URI1: variants seen among roughly 807,000 people sequenced by gnomAD.
URI1 encodes unconventional prefoldin RPB5 interactor 1.
URI1 carries 39 observed loss-of-function variants against 60.2 expected under a neutral mutation model. The observed-to-expected ratio is 0.65, with a 90% CI of 0.50 to 0.85. The LOEUF (loss-of-function observed/expected upper bound fraction) is 0.85, where lower values mean the gene tolerates loss of function less well. URI1 is among the 40% of genes least tolerant of loss of function. The pLI is 0.00. For synonymous variants in URI1, 251 were observed against 236.8 expected, an observed-to-expected ratio of 1.06 and a Z score of -0.55; for missense variants, 691 against 665.9, an observed-to-expected ratio of 1.04 and a Z score of -0.42.
At chr19:29,947,603 G>A (rs1275726320) in intron 1 of URI1, among the ~76,000 whole-genome samples, 1 of 152,126 alleles carries the variant, frequency 6.6e-6, no homozygotes, top group Non-Finnish European at 1.5e-5. Context: ...TGGCTACTTG[G>A]ATTTTTGTGT....
At chr19:29,941,631 A>T (rs1258442380), upstream of URI1, among the ~76,000 whole-genome samples, 1 of 152,096 alleles carries the variant, frequency 6.6e-6, no homozygotes. Flanking sequence ...TTAAAAAAAA[A>T]AAAAAAAAAA....
intron 2 of URI1, among the ~76,000 whole-genome samples, chr19:29,973,774 TTAA>T (rs1442346315): frequency 6.6e-6 from 1 of 152,168 alleles, no homozygotes; most frequent in Non-Finnish European, 1.5e-5. Context: ...ATTTGTTTAG[TTAA>T]TAACAGATAA....
chr19:29,935,044 T>A (rs1404612441), intron 1 of URI1, among the ~76,000 whole-genome samples: 1 of 152,250 alleles, frequency 6.6e-6, no homozygotes, highest in African/African-American at 2.4e-5. Context: ...TTCTGCCATT[T>A]ATTTAATAGC....
At chr19:30,005,982 C>G (rs1168273295) in intron 6 of URI1, among the ~76,000 whole-genome samples, 6 of 152,040 alleles carry the variant, frequency 3.9e-5, no homozygotes, top group African/African-American at 1.2e-4. Flanking sequence ...CTCTAAAACT[C>G]AGAAGATGTA....
chr19:29,952,221 A>C (rs897321091), intron 1 of URI1, among the ~76,000 whole-genome samples: 1 of 152,232 alleles, frequency 6.6e-6, no homozygotes, highest in African/African-American at 2.4e-5. Context: ...GTTTAATCAG[A>C]ATTTAAACAC....
chr19:30,008,907 C>T, intron 7 of URI1, 98 bp from the exon 8 acceptor site: 1 of 938,200 alleles, frequency 1.1e-6, no homozygotes, highest in East Asian at 2.8e-5. Context: ...ATACTTTATT[C>T]AAGATCTTAG....
rs149206403 is a variant in URI1 at position 29,986,394 on chromosome 19, G to T, written c.344G>T (p.Gly115Val). 3.1e-6 allele frequency: 5 copies of T among 1,608,704 alleles called. No individual in the cohort carries two copies. Among genetic ancestry groups the T allele is most frequent in the Non-Finnish European group, 3.4e-6 (4 of 1,179,008 alleles). The part of the protein sequence containing the change: ...FAKCSAKQAV[G>V]LVEHRKEHVR... ...AAGTGCTCAGCAAAGCAGGCTGTAG[G>T]TTTAGTTGAGCACCGGAAAGAACGT... Residue 115 changes from glycine to valine, a missense_variant, in exon 4 of 11, where the codon GGT (glycine) becomes GTT (valine). Gly to Val is a moderately radical substitution (Grantham distance 109). Transcript: ENST00000392271.
intron 4 of URI1, among the ~76,000 whole-genome samples, chr19:29,998,150 A>G (rs191843667): frequency 6.6e-6 from 1 of 152,262 alleles, no homozygotes; most frequent in East Asian, 1.9e-4. Context: ...TTTTCCTTCT[A>G]TTAATGATTT....
intron 1 of URI1, among the ~76,000 whole-genome samples, chr19:29,964,264 G>A (rs1220089196): frequency 6.6e-6 from 1 of 152,098 alleles, no homozygotes; most frequent in Non-Finnish European, 1.5e-5. Context: ...TGCCTTTAAA[G>A]AGATAATTTT....
At chr19:29,989,504 A>AC (rs1452099333) in intron 4 of URI1, among the ~76,000 whole-genome samples, 1 of 150,164 alleles carries the variant, frequency 6.7e-6, no homozygotes, top group African/African-American at 2.5e-5. Flanking sequence ...GTTCATCGCA[A>AC]CCTCCGCCTC....
intron 1 of URI1, among the ~76,000 whole-genome samples, chr19:29,968,913 A>G (rs1049588341): frequency 1.3e-5 from 2 of 152,050 alleles, no homozygotes; most frequent in African/African-American, 4.8e-5. Flanking sequence ...GCTGTGAAAT[A>G]GAAGACAACT....
chr19:29,983,484 A>G (rs1258344879), intron 2 of URI1, among the ~76,000 whole-genome samples: 1 of 152,136 alleles, frequency 6.6e-6, no homozygotes, highest in African/African-American at 2.4e-5. Context: ...GATGTTTGTC[A>G]TTTATATTAT....
At chr19:29,980,871 G>A (rs2055587663) in intron 2 of URI1, among the ~76,000 whole-genome samples, 1 of 141,878 alleles carries the variant, frequency 7.0e-6, no homozygotes, top group Non-Finnish European at 1.5e-5. Context: ...GCAGTGAGCC[G>A]AGATCACGCC....
rs981794888 is a variant in URI1 at position 29,947,571 on chromosome 19, G to A, written c.117+4907G>A. On this transcript the variant is annotated intron_variant, in intron 1 of 10. Coordinates refer to ENST00000392271, the MANE Select transcript of URI1 (RefSeq NM_003796.3). ...CAATCTAGTGATGAGTAATGAGGTT[G>A]ATGACCTTTTCAGATGTTTATTGGC... Among the ~76,000 whole-genome samples the A allele has an allele frequency of 4.6e-5, 7 of 152,320 alleles. 1 individual carries two copies. The South Asian group carries it at 1.4e-3, about 32-fold the overall frequency.
At chr19:29,993,385 T>C (rs2145399345) in intron 4 of URI1, among the ~76,000 whole-genome samples, 1 of 152,328 alleles carries the variant, frequency 6.6e-6, no homozygotes, top group East Asian at 1.9e-4. Context: ...AAAATGCACA[T>C]AGGCACGTTA....
Position 30,015,123 on chromosome 19 carries a change from T to C in URI1, c.*54T>C. 6.3e-7 allele frequency: 1 copy of C among 1,576,190 alleles called. No homozygotes were observed. The highest frequency in any genetic ancestry group is 1.2e-5 in the South Asian group (1 of 84,238). ...CCTAAAACCTAGTTGTTCATTTGTT[T>C]AGAGTATCTATAGCAAAATAGGTTA... On this transcript the variant is annotated 3_prime_UTR_variant, in exon 11 of 11. Transcript: ENST00000392271.
chr19:30,008,956 TA>T, intron 7 of URI1, 48 bp from the exon 8 acceptor site: 2 of 1,388,374 alleles, frequency 1.4e-6, no homozygotes, highest in Non-Finnish European at 9.7e-7. Context: ...TTAAATAATG[TA>T]AAATTCTAGT....
In URI1 at chr19:30,015,047, C is replaced by T. The variant is rs1406147554; in HGVS notation, c.1586C>T (p.Ala529Val). 3 of 1,613,210 alleles carry T rather than the reference C, an allele frequency of 1.9e-6. No individual in the cohort carries two copies. The highest frequency in any genetic ancestry group is 2.5e-6 in the Non-Finnish European group (3 of 1,179,510). The change falls in exon 11 of 11, where the codon GCC becomes GTC. Residue 529 changes from alanine to valine, a missense_variant. Physicochemically the swap from Ala to Val is moderately conservative, Grantham distance 64. Transcript: ENST00000392271. ...AAGAGGGTTTCAAAGTTTAAAGCTG[C>T]CAGATTGCAACAGAAAGACTAGGCC... ...TGKRVSKFKA[A>V]RLQQKD
At chr19:30,003,254 G>A (rs1037978596) in intron 4 of URI1, among the ~76,000 whole-genome samples, 11 of 151,854 alleles carry the variant, frequency 7.2e-5, no homozygotes, top group African/African-American at 2.2e-4. Flanking sequence ...TTTGCCTTGC[G>A]GTTGCCCAGC....
Sources: gnomAD v4.1 joint callset for allele counts (sites outside exome capture counted in the v4.1 genomes callset) on GRCh38, gnomAD v4.1.1 for gene constraint, MANE v1.5 for transcripts, NCBI Gene and HGNC (gene_info 2026-07-23, HGNC 2026-07-21) for gene names.